Variants in SPTA1 observed in about 807,000 individuals in gnomAD.
SPTA1 encodes spectrin alpha chain, erythrocytic 1.
A neutral mutation model predicts 324.7 loss-of-function variants in SPTA1; 177 were observed. The ratio of observed to expected loss-of-function variants is 0.55; its 90% CI spans 0.48 to 0.62. SPTA1 has a LOEUF of 0.62. SPTA1 is among the 20% of genes least tolerant of loss of function. The pLI, the probability that SPTA1 is intolerant of heterozygous loss-of-function variation, is 0.00. For synonymous variants in SPTA1, 1,195 were observed against 1,041.3 expected (o/e 1.15, Z -2.84); for missense variants, 3,162 against 2,883.6 (o/e 1.10, Z -2.21).
intron 3 of SPTA1, among the ~76,000 whole-genome samples, chr1:158,682,720 G>A (rs1384067299): frequency 3.9e-5 from 6 of 152,144 alleles, no homozygotes; most frequent in East Asian, 1.9e-4. Flanking sequence ...GACAATATTA[G>A]CACAAACATT....
chr1:158,659,595 A>ATTTTTTTTTTTTTTTTTTTTTTTTTTT (rs1177353050), intron 18 of SPTA1, among the ~76,000 whole-genome samples: 3 of 68,780 alleles, frequency 4.4e-5, no homozygotes, highest in Non-Finnish European at 6.7e-5. Context: ...TCTTAGCATT[A>ATTTTTTTTTTTTTTTTTTTTTTTTTTT]TTTTTTTTTT....
rs1442688061 is a variant in SPTA1, at chr1:158,611,323, G to A, written c.7201C>T (p.Arg2401Ter). The change falls in exon 52 of 52, where the codon CGA becomes TGA. Residue 2401 changes from arginine to a stop codon, truncating the protein, a stop_gained. Transcript: ENST00000643759. LOFTEE classifies it high-confidence loss of function. ...HMQQYMDPRGRSHLSGYDYVG... is the reference protein window; with the variant it reads ...HMQQYMDPRG ...TAGTCATAGCCAGAGAGATGGCTTC[G>A]ACCCCGTGGGTCCATATATTGCTGC... The A allele has an allele frequency of 3.1e-6, 5 of 1,613,748 alleles. No homozygotes were observed. The highest frequency in any genetic ancestry group is 4.2e-6 in the Non-Finnish European group (5 of 1,179,790).
In SPTA1 at chr1:158,619,342, C is replaced by A. The variant is rs754056114; in HGVS notation, c.6418-8G>T. The A allele has an allele frequency of 6.2e-7, 1 of 1,613,932 alleles. No individual in the cohort carries two copies. ...CAGCTCCTGCTCCCGTTCCTAAAAC[C>A]CCAAATCACAGACAACGTGACTGAC... On this transcript the variant is annotated splice_region_variant and splice_polypyrimidine_tract_variant and intron_variant, in intron 44 of 51. Transcript: ENST00000643759.
intron 17 of SPTA1, 64 bp downstream of exon 17, chr1:158,662,638 A>T: frequency 3.4e-5 from 53 of 1,548,804 alleles, no homozygotes; most frequent in Non-Finnish European, 4.4e-5. Context: ...TGTACCCCAG[A>T]TCTCTCTCAA....
intron 38 of SPTA1, 112 bp downstream of exon 38, chr1:158,635,801 A>T: frequency 1.3e-6 from 2 of 1,498,324 alleles, no homozygotes; most frequent in Non-Finnish European, 1.8e-6. Flanking sequence ...AAGGAGATAG[A>T]TAGGTAGTTG....
rs749341782 is a variant in SPTA1 at position 158,674,310 on chromosome 1, C to G, written c.1350+19G>C. ...ACATATATAATTGGAATTTGACAAA[C>G]TCTGTTAAACTAGATTACCTTTTCC... On this transcript the variant is annotated intron_variant, in intron 10 of 51. Transcript: ENST00000643759. The G allele has an allele frequency of 1.9e-6, 3 of 1,610,208 alleles. No homozygotes were observed. The highest frequency in any genetic ancestry group is 1.7e-5 in the Admixed American group (1 of 59,996).
chr1:158,641,874 G>T (rs773845141), intron 33 of SPTA1, among the ~76,000 whole-genome samples: 1 of 152,044 alleles, frequency 6.6e-6, no homozygotes, highest in Admixed American at 6.6e-5. Context: ...TGTTTATTGC[G>T]GCACTATTCA....
At position 158,642,985 on chromosome 1, in the gene SPTA1, C is replaced by A. The variant is rs369041875; in HGVS notation, c.4443-9G>T. On this transcript the variant is annotated splice_polypyrimidine_tract_variant and intron_variant, in intron 31 of 51. Transcript: ENST00000643759. ...CTTTGAGAGCCTTCCACCTAGAGGA[C>A]GGAGCCAAATCACTCTATGCCCTCC... The A allele has an allele frequency of 6.2e-6, 10 of 1,613,310 alleles. No individual in the cohort carries two copies. In the African/African-American group the frequency reaches 1.3e-4, roughly 22 times the overall value.
rs1039684604 is a variant in SPTA1, at chr1:158,671,338, C to A, written c.1599+5G>T. 1 of 1,612,820 alleles carries A rather than the reference C, an allele frequency of 6.2e-7. No homozygotes were observed. The highest frequency in any genetic ancestry group is 1.7e-4 in the Middle Eastern group (1 of 5,932). ...CCAATGCCCAAACTAGGGCCAATTT[C>A]TTACTATGATCTTCTCTTCCTGGGC... On this transcript the variant is annotated splice_donor_5th_base_variant and intron_variant, in intron 12 of 51. Coordinates refer to ENST00000643759, the MANE Select transcript of SPTA1 (RefSeq NM_003126.4).
chr1:158,652,703 A>G, intron 22 of SPTA1, 50 bp from the exon 23 acceptor site: 1 of 1,599,454 alleles, frequency 6.3e-7, no homozygotes, highest in Non-Finnish European at 8.6e-7. Flanking sequence ...AAAATACAGA[A>G]GAGTAGAGGC....
At chr1:158,667,526 TG>T (rs1388945763) in intron 15 of SPTA1, among the ~76,000 whole-genome samples, 7 of 152,240 alleles carry the variant, frequency 4.6e-5, no homozygotes, top group African/African-American at 1.7e-4. Context: ...GTAAAACTCA[TG>T]GTTCAAAAAT....
chr1:158,611,578 C>T (rs1379944023), intron 51 of SPTA1, 189 bp from the exon 52 acceptor site: 1 of 565,056 alleles, frequency 1.8e-6, no homozygotes, highest in African/African-American at 1.9e-5. Context: ...CTTTTAATCT[C>T]AGCCCTTTCT....
chr1:158,634,739 G>T, intron 38 of SPTA1, 64 bp from the exon 39 acceptor site: 1 of 1,597,640 alleles, frequency 6.3e-7, no homozygotes. Flanking sequence ...GGAGTACAGT[G>T]GGGTGGCACA....
intron 30 of SPTA1, 91 bp from the exon 31 acceptor site, chr1:158,643,516 C>A: frequency 2.4e-6 from 3 of 1,257,840 alleles, no homozygotes; most frequent in Non-Finnish European, 3.4e-6. Flanking sequence ...ATGAAGGTAT[C>A]CTTTGTGGAT....
intron 33 of SPTA1, among the ~76,000 whole-genome samples, chr1:158,640,529 A>G (rs1394615249): frequency 6.6e-6 from 1 of 152,146 alleles, no homozygotes; most frequent in Non-Finnish European, 1.5e-5. Context: ...CCAATAACAG[A>G]CAAACAGAGA....
chr1:158,631,560 T>G (rs1369117732), intron 39 of SPTA1, among the ~76,000 whole-genome samples: 1 of 151,912 alleles, frequency 6.6e-6, no homozygotes, highest in African/African-American at 2.4e-5. Flanking sequence ...ACTAAAGAAC[T>G]TATCCATATA....
chr1:158,673,369 T>C (rs1048796792), intron 10 of SPTA1, among the ~76,000 whole-genome samples: 3 of 152,158 alleles, frequency 2.0e-5, no homozygotes, highest in Admixed American at 6.5e-5. Flanking sequence ...ACTGTAACTA[T>C]CATTCCAAGG....
chr1:158,611,739 A>G (rs960484971), intron 51 of SPTA1: 35 of 260,152 alleles, frequency 1.3e-4, no homozygotes, highest in Non-Finnish European at 2.3e-4. Flanking sequence ...GGGGACTAGC[A>G]TGTTTTATGA....
chr1:158,618,770 C>A (rs922131995), intron 45 of SPTA1, among the ~76,000 whole-genome samples: 4 of 152,062 alleles, frequency 2.6e-5, no homozygotes, highest in Non-Finnish European at 5.9e-5. Flanking sequence ...ATATATGTGA[C>A]CTTGAGCAAG....
Sources: allele counts gnomAD v4.1 joint callset (sites outside exome capture counted in the v4.1 genomes callset), GRCh38; gene constraint gnomAD v4.1.1; transcripts MANE v1.5; gene names NCBI Gene and HGNC (gene_info 2026-07-23, HGNC 2026-07-21).